Variants in TET3 observed in about 807,000 individuals in gnomAD.
TET3 encodes the protein methylcytosine dioxygenase TET3.
A neutral mutation model predicts 141.4 loss-of-function variants in TET3; 19 were observed. The observed-to-expected ratio is 0.13, with a 90% confidence interval of 0.09 to 0.20. TET3 has a LOEUF of 0.20. Among genes scored for constraint, TET3 ranks in the 10% least tolerant of loss-of-function variants. The pLI is 1.00. For missense variants in TET3, 1,874 were observed against 2,356.9 expected (o/e 0.80, Z 4.24); for synonymous variants, 1,043 against 980.9 (o/e 1.06, Z -1.18).
the TET3 span, among the ~76,000 whole-genome samples, chr2:74,128,992 T>TAAAAAA: frequency 2.6e-4 from 20 of 77,922 alleles, 1 homozygote; most frequent in African/African-American, 1.1e-3. Flanking sequence ...TGTCTCAATT[T>TAAAAAA]AAAAAAAAAA....
chr2:74,064,971 C>T (rs192108498), intron 4 of TET3, among the ~76,000 whole-genome samples: 2 of 152,288 alleles, frequency 1.3e-5, no homozygotes, highest in Admixed American at 6.5e-5. Context: ...GTTAGTGCCC[C>T]AACCTCCATG....
intron 3 of TET3, among the ~76,000 whole-genome samples, chr2:74,017,687 C>T (rs1048466138): frequency 2.0e-5 from 3 of 152,118 alleles, no homozygotes; most frequent in African/African-American, 4.8e-5. Context: ...TCAATACTGC[C>T]GCAGTAAACA....
rs374294390 is a variant in TET3, at chr2:74,101,670, G to A, written c.4882G>A (p.Gly1628Ser). The change falls in exon 12 of 12, where the codon GGT (glycine) becomes AGT (serine). Residue 1628 changes from glycine (G) to serine (S), a missense_variant. By Grantham distance (56) the Gly-to-Ser change is moderately conservative. Transcript: ENST00000409262. This position sits in a 1 kb window ranked among gnomAD's most constrained non-coding sequence, Gnocchi z 8.5. Reference sequence around the variant, plus strand: ...GGGAGCGGTGAAGGAGGAGAAGGGCGGTGGTGGTGCGGAGGAGGAAGAGGA... The same window carrying A: ...GGGAGCGGTGAAGGAGGAGAAGGGCAGTGGTGGTGCGGAGGAGGAAGAGGA... ...SKGAVKEEKG[G>S]GGAEEEEEEL... The A allele has an allele frequency of 3.2e-5, 51 of 1,613,568 alleles. No homozygotes were observed. Among genetic ancestry groups the A allele is most frequent in the East Asian group, 2.2e-4 (10 of 44,884 alleles).
rs1687679701 is a variant in TET3, at chr2:74,047,239, C to A, written c.1322C>A (p.Thr441Asn). Residue 441 changes from threonine to asparagine, a missense_variant, in exon 4 of 12, where the codon ACC (threonine) becomes AAC (asparagine). Thr to Asn is a moderately conservative substitution (Grantham distance 65). Around this residue, in one of 10 missense-constraint regions of TET3, gnomAD observed 484 missense variants for 462.2 expected, o/e 1.05. Transcript: ENST00000409262. ...TTCCCTGAAGCCTGGGGCACTGACA[C>A]CCCTCCAGCAACGCCCCGGAGCTCC... The part of the protein sequence containing the change: ...TEFPEAWGTD[T>N]PPATPRSSWP... The A allele has an allele frequency of 6.2e-7, 1 of 1,613,928 alleles. No individual in the cohort carries two copies. The highest frequency in any genetic ancestry group is 1.1e-5 in the South Asian group (1 of 91,092).
At chr2:74,067,845 G>T (rs1688995006) in intron 4 of TET3, among the ~76,000 whole-genome samples, 2 of 152,248 alleles carry the variant, frequency 1.3e-5, no homozygotes, top group South Asian at 4.1e-4. Context: ...GCTGGGACAG[G>T]TTGCAAGGCA....
At chr2:74,117,909 C>A in the TET3 span, among the ~76,000 whole-genome samples, 4 of 152,120 alleles carry the variant, frequency 2.6e-5, no homozygotes, top group African/African-American at 7.2e-5. Context: ...CCACACCCAG[C>A]TAATTTTTGT....
chr2:74,109,337 G>GCAAA (rs1352555865), downstream of TET3, among the ~76,000 whole-genome samples: 1 of 152,208 alleles, frequency 6.6e-6, no homozygotes, highest in Non-Finnish European at 1.5e-5. Flanking sequence ...CATATTGGTT[G>GCAAA]CAAACATTTT....
At position 74,046,982 on chromosome 2, in the gene TET3, G is replaced by A. The variant is rs1299559816; in HGVS notation, c.1065G>A (p.Gln355=). 6.2e-7 allele frequency: 1 copy of A among 1,613,858 alleles called. No homozygotes were observed. Among genetic ancestry groups the A allele is most frequent in the Non-Finnish European group, 8.5e-7 (1 of 1,179,894 alleles). The change falls in exon 4 of 12, where the codon CAG becomes CAA. Residue 355 remains glutamine, a synonymous_variant. Coordinates refer to ENST00000409262, the MANE Select transcript of TET3 (RefSeq NM_001287491.2). This position sits in a 1 kb window ranked among gnomAD's most constrained non-coding sequence, Gnocchi z 4.3. ...SIAKEKNISL[Q]TAIAIEALTQ... ...CCAAGGAAAAAAACATCAGCTTGCAGACCGCCATTGCCATTGAGGCCCTCA... is the reference window on the plus strand; with the variant it reads ...CCAAGGAAAAAAACATCAGCTTGCAAACCGCCATTGCCATTGAGGCCCTCA...
At chr2:74,111,896 T>A (rs951863782), downstream of TET3, among the ~76,000 whole-genome samples, 1 of 152,144 alleles carries the variant, frequency 6.6e-6, no homozygotes, top group Non-Finnish European at 1.5e-5. Context: ...TACCTAAAGC[T>A]TAGGGCATGA....
chr2:74,107,902 ATTTTATTTT>A lies in TET3; in HGVS notation c.*5727_*5735del. 1.3e-5 allele frequency: 2 copies of A among 152,412 alleles called. No homozygotes were observed. The highest frequency in any genetic ancestry group is 4.8e-5 in the African/African-American group (2 of 41,372). The allele number at this position is 152,412 out of a possible 1,614,324, so 9.4% of individuals were successfully genotyped here. On this transcript the variant is annotated 3_prime_UTR_variant, in exon 12 of 12. Transcript: ENST00000409262. ...TTAGTACAGTAAATTTATGCTGATA[ATTTTATTTT>A]GTATAATTTTTACCTTTTTGTTAAT...
At chr2:74,021,589 C>T (rs1686047116) in intron 3 of TET3, among the ~76,000 whole-genome samples, 1 of 152,184 alleles carries the variant, frequency 6.6e-6, no homozygotes, top group Admixed American at 6.5e-5. Flanking sequence ...CTGCACTCAC[C>T]CTCAACCCCA....
intron 5 of TET3, among the ~76,000 whole-genome samples, chr2:74,075,941 G>A (rs577007486): frequency 2.0e-5 from 3 of 152,228 alleles, no homozygotes; most frequent in South Asian, 2.1e-4. Flanking sequence ...CTTCTGGGCC[G>A]GTGATTTTTG....
intron 5 of TET3, among the ~76,000 whole-genome samples, chr2:74,075,696 T>G (rs1689468618): frequency 6.6e-6 from 1 of 152,212 alleles, no homozygotes; most frequent in South Asian, 2.1e-4. Context: ...TAACAGCTTC[T>G]CTGAATAAAT....
intron 3 of TET3, among the ~76,000 whole-genome samples, chr2:74,022,959 G>T (rs1686134823): frequency 6.6e-6 from 1 of 151,730 alleles, no homozygotes; most frequent in Admixed American, 6.6e-5. Flanking sequence ...TATTTTTTGT[G>T]GAGATGGGGT....
At chr2:74,022,094 CTTTTTTTTTT>C (rs34529157) in intron 3 of TET3, among the ~76,000 whole-genome samples, 1 of 82,768 alleles carries the variant, frequency 1.2e-5, no homozygotes, top group African/African-American at 5.1e-5. Context: ...TTCTAGGACA[CTTTTTTTTTT>C]TTTTTTTTTT....
At chr2:74,033,248 C>G (rs1686851902) in intron 3 of TET3, among the ~76,000 whole-genome samples, 1 of 152,214 alleles carries the variant, frequency 6.6e-6, no homozygotes, top group Non-Finnish European at 1.5e-5. Context: ...TACTCATCCT[C>G]TATCACGCAG....
the TET3 span, among the ~76,000 whole-genome samples, chr2:74,129,798 C>T: frequency 6.6e-6 from 1 of 151,780 alleles, no homozygotes; most frequent in Non-Finnish European, 1.5e-5. Context: ...CTGGTGGCTG[C>T]TTTATTGGCT....
chr2:73,994,614 T>TTTTC (rs935777591), intron 2 of TET3, among the ~76,000 whole-genome samples: 227 of 143,596 alleles, frequency 1.6e-3, no homozygotes, highest in Middle Eastern at 7.0e-3. Flanking sequence ...GGTCTATTTT[T>TTTTC]TTTCTTTCTT....
intron 6 of TET3, among the ~76,000 whole-genome samples, chr2:74,081,678 A>C (rs1003145536): frequency 1.3e-5 from 2 of 152,214 alleles, no homozygotes; most frequent in South Asian, 2.1e-4. Context: ...CTGTCAGCAT[A>C]TGTCCATCTG....
Sources: allele counts gnomAD v4.1 joint callset (sites outside exome capture counted in the v4.1 genomes callset), GRCh38; gene constraint gnomAD v4.1.1; regional missense constraint gnomAD v4.1.1; non-coding constraint Gnocchi (gnomAD v3.1); transcripts MANE v1.5; gene names NCBI Gene and HGNC (gene_info 2026-07-23, HGNC 2026-07-21).